The following UBXN8 variants were observed in gnomAD, a reference collection of about 807,000 sequenced individuals.
UBXN8 encodes UBX domain protein 8, also known as UBX domain-containing protein 8.
UBXN8 carries 27 observed loss-of-function variants against 32.1 expected under a neutral mutation model. The observed-to-expected ratio is 0.84, with a 90% CI of 0.62 to 1.16. The LOEUF is 1.16. Among genes scored for constraint, UBXN8 ranks in the 50% most tolerant of loss-of-function variants. UBXN8 has a pLI of 0.00. For missense variants in UBXN8, 306 were observed against 311.4 expected (o/e 0.98, Z 0.13); for synonymous variants, 109 against 111.8 (o/e 0.98, Z 0.16).
At chr8:30,762,482 T>C (rs1805860022) in intron 6 of UBXN8, among the ~76,000 whole-genome samples, 1 of 152,190 alleles carries the variant, frequency 6.6e-6, no homozygotes, top group South Asian at 2.1e-4. Flanking sequence ...AAACCTCTGC[T>C]TCCGGGTTCA....
At position 30,764,790 on chromosome 8, in the gene UBXN8, G is replaced by A. The variant is rs1466068709; in HGVS notation, c.646-1437G>A. Among the ~76,000 whole-genome samples the A allele has an allele frequency of 9.2e-5, 14 of 152,172 alleles. 1 individual carries two copies. The highest frequency in any genetic ancestry group is 2.6e-4 in the Admixed American group (4 of 15,270). On this transcript the variant is annotated intron_variant, in intron 7 of 7. Coordinates refer to ENST00000265616, the MANE Select transcript of UBXN8 (RefSeq NM_005671.4). ...TTTTTGGCCGGGTACCATGGCTCACGCCTGTAATCCCAGCACTTTGGGAGG... is the reference window on the plus strand; with the variant it reads ...TTTTTGGCCGGGTACCATGGCTCACACCTGTAATCCCAGCACTTTGGGAGG...
intron 1 of UBXN8, among the ~76,000 whole-genome samples, chr8:30,736,692 C>T (rs1805076834): frequency 6.6e-6 from 1 of 152,156 alleles, no homozygotes; most frequent in South Asian, 2.1e-4. Flanking sequence ...AGGCTAGTCT[C>T]AAACTCCTGA....
At chr8:30,760,382 T>A (rs368880882) in intron 5 of UBXN8, among the ~76,000 whole-genome samples, 1 of 148,386 alleles carries the variant, frequency 6.7e-6, no homozygotes, top group Non-Finnish European at 1.5e-5. Context: ...ACATTTATCC[T>A]GTTTTTATAT....
chr8:30,759,278 C>T (rs1378954124), intron 5 of UBXN8, among the ~76,000 whole-genome samples: 1 of 151,912 alleles, frequency 6.6e-6, no homozygotes, highest in Non-Finnish European at 1.5e-5. Context: ...CTCTGTCACC[C>T]AGGCTGGAGT....
intron 2 of UBXN8, 42 bp downstream of exon 2, chr8:30,751,560 C>CT: frequency 6.6e-7 from 1 of 1,508,724 alleles, no homozygotes; most frequent in Non-Finnish European, 8.9e-7. Flanking sequence ...CCATTCTACT[C>CT]AAATTTATTT....
At chr8:30,730,767 C>T (rs1156445275), upstream of UBXN8, among the ~76,000 whole-genome samples, 2 of 152,206 alleles carry the variant, frequency 1.3e-5, no homozygotes, top group African/African-American at 4.8e-5. Flanking sequence ...ATCCCGATAG[C>T]CCTGAAAATC....
upstream of UBXN8, among the ~76,000 whole-genome samples, chr8:30,740,071 A>T (rs1805164125): frequency 1.3e-5 from 2 of 148,538 alleles, no homozygotes; most frequent in Non-Finnish European, 3.0e-5. Flanking sequence ...CCAGCTAATT[A>T]AAAAATGTGT....
chr8:30,763,750 G>A (rs929079505), intron 7 of UBXN8, among the ~76,000 whole-genome samples: 1 of 152,088 alleles, frequency 6.6e-6, no homozygotes, highest in Non-Finnish European at 1.5e-5. Context: ...CAACACTTTG[G>A]GAGGCCAAGG....
At chr8:30,734,615 A>G (rs568634247) in intron 1 of UBXN8, among the ~76,000 whole-genome samples, 1 of 151,704 alleles carries the variant, frequency 6.6e-6, no homozygotes, top group East Asian at 1.9e-4. Context: ...ATGAGACACT[A>G]TCTCTTAAAA....
At chr8:30,756,662 G>A in intron 4 of UBXN8, 103 bp from the exon 5 acceptor site, 1 of 1,501,826 alleles carries the variant, frequency 6.7e-7, no homozygotes, top group Non-Finnish European at 9.0e-7. Flanking sequence ...TTTTTCTACT[G>A]ATATGCCATC....
intron 3 of UBXN8, among the ~76,000 whole-genome samples, chr8:30,753,759 A>T (rs1199812277): frequency 1.4e-5 from 2 of 146,728 alleles, no homozygotes; most frequent in Non-Finnish European, 1.5e-5. Flanking sequence ...ATTCCATTGA[A>T]TAGATATACC....
chr8:30,747,894 C>CTTTTTTTTTTTTTTT (rs67334347), intron 1 of UBXN8, among the ~76,000 whole-genome samples: 2 of 35,636 alleles, frequency 5.6e-5, no homozygotes, highest in Non-Finnish European at 1.1e-4. Context: ...TATATTTTTT[C>CTTTTTTTTTTTTTTT]TTTTTTTTTT....
intron 5 of UBXN8, among the ~76,000 whole-genome samples, chr8:30,760,444 T>TATATATATATATATATATATATA (rs60534482): frequency 1.5e-5 from 1 of 67,038 alleles, no homozygotes; most frequent in African/African-American, 6.2e-5. Context: ...TATATATATA[T>TATATATATATATATATATATATA]TTTTTTTTTT....
chr8:30,749,811 T>C (rs927335507), intron 1 of UBXN8, among the ~76,000 whole-genome samples: 1 of 152,070 alleles, frequency 6.6e-6, no homozygotes, highest in African/African-American at 2.4e-5. Context: ...TTCACCGTGA[T>C]AGCCAGGATG....
At chr8:30,754,947 G>A (rs1805613267) in intron 4 of UBXN8, among the ~76,000 whole-genome samples, 160 bp downstream of exon 4, 1 of 149,210 alleles carries the variant, frequency 6.7e-6, no homozygotes, top group South Asian at 2.1e-4. Flanking sequence ...CATGGTTAAG[G>A]GGTTGGTCGT....
upstream of UBXN8, among the ~76,000 whole-genome samples, chr8:30,729,521 A>T (rs1804900496): frequency 6.6e-6 from 1 of 151,892 alleles, no homozygotes. Context: ...TTTGGTTTTG[A>T]TTCTGGTTTG....
chr8:30,732,067 C>T (rs1804971258), upstream of UBXN8, among the ~76,000 whole-genome samples: 2 of 152,102 alleles, frequency 1.3e-5, no homozygotes, highest in Non-Finnish European at 2.9e-5. Flanking sequence ...CCCTGAGAGG[C>T]AGAAGCTGTT....
At chr8:30,729,683 G>C (rs1233944893), upstream of UBXN8, among the ~76,000 whole-genome samples, 1 of 152,188 alleles carries the variant, frequency 6.6e-6, no homozygotes, top group East Asian at 1.9e-4. Flanking sequence ...AAAATTTTAA[G>C]AAGGGATTTA....
chr8:30,755,760 GAAAAAAAAAAAAA>G (rs34287599), intron 4 of UBXN8, among the ~76,000 whole-genome samples: 3 of 88,920 alleles, frequency 3.4e-5, no homozygotes, highest in Non-Finnish European at 5.8e-5. Flanking sequence ...CCTTTCTCCA[GAAAAAAAAAAAAA>G]AAAAAAAAGA....
Sources: gnomAD v4.1 joint callset for allele counts (sites outside exome capture counted in the v4.1 genomes callset) on GRCh38, gnomAD v4.1.1 for gene constraint, MANE v1.5 for transcripts, NCBI Gene and HGNC (gene_info 2026-07-23, HGNC 2026-07-21) for gene names.